ABI1: variants seen among roughly 807,000 people sequenced by gnomAD.
The protein encoded by ABI1 is Abelson interactor 1.
In ABI1, 14 loss-of-function variants were observed where a neutral mutation model predicts 54.6. That is an observed-to-expected ratio of 0.26 (90% CI 0.17 to 0.40). The LOEUF (loss-of-function observed/expected upper bound fraction) is 0.40. Ranked by LOEUF, ABI1 falls within the 10% of genes least tolerant of loss-of-function variation. The probability of loss-of-function intolerance (pLI) is 1.00; values close to 1 mark genes in which losing one functional copy is unlikely to be tolerated. For missense variants in ABI1, 443 were observed against 598.3 expected (o/e 0.74, Z 2.71); for synonymous variants, 194 against 209.3 (o/e 0.93, Z 0.63).
At chr10:26,813,969 A>G (rs2047399536) in intron 2 of ABI1, among the ~76,000 whole-genome samples, 1 of 152,210 alleles carries the variant, frequency 6.6e-6, no homozygotes, top group Non-Finnish European at 1.5e-5. Context: ...AAAGGTTCCT[A>G]ACAAAACATC....
At chr10:26,824,768 C>G (rs1316748954) in intron 1 of ABI1, among the ~76,000 whole-genome samples, 1 of 151,814 alleles carries the variant, frequency 6.6e-6, no homozygotes, top group East Asian at 1.9e-4. Context: ...AAAACATGGA[C>G]AGTAGATAGA....
At chr10:26,766,753 G>C (rs1482686923) in intron 6 of ABI1, among the ~76,000 whole-genome samples, 1 of 151,748 alleles carries the variant, frequency 6.6e-6, no homozygotes, top group Non-Finnish European at 1.5e-5. Flanking sequence ...GGCTAAAACT[G>C]GTCCATTGCC....
chr10:26,780,900 C>G (rs1029519768), intron 2 of ABI1, among the ~76,000 whole-genome samples: 2 of 152,120 alleles, frequency 1.3e-5, no homozygotes, highest in Non-Finnish European at 2.9e-5. Context: ...TTGGGTGGGG[C>G]TCTTTGGACC....
chr10:26,783,129 A>G (rs1842334580), intron 2 of ABI1, among the ~76,000 whole-genome samples: 1 of 152,244 alleles, frequency 6.6e-6, no homozygotes, highest in East Asian at 1.9e-4. Context: ...AGACTTAACA[A>G]TGAAGGAACT....
rs767702914 is a variant in ABI1 at position 26,768,927 on chromosome 10, G to C, written c.644C>G (p.Thr215Ser). 1.2e-6 allele frequency: 2 copies of C among 1,613,376 alleles called. No homozygotes were observed. Among genetic ancestry groups the C allele is most frequent in the Admixed American group, 1.7e-5 (1 of 60,004 alleles). Residue 215 changes from threonine to serine, a missense_variant, in exon 6 of 11, where the codon ACC (threonine) becomes AGC (serine). By Grantham distance (58) the Thr-to-Ser change is moderately conservative. Around this residue, in one of 2 missense-constraint regions of ABI1, gnomAD observed 394 missense variants for 484.8 expected, o/e 0.81. Transcript: ENST00000376140. ...CTGACTTCCAAGCCTAGCAGGACTGGTCATATAGTCATTAGGAACTGTTGG... is the reference window on the plus strand; with the variant it reads ...CTGACTTCCAAGCCTAGCAGGACTGCTCATATAGTCATTAGGAACTGTTGG... ...KPPTVPNDYM[T>S]SPARLGSQHS...
At chr10:26,775,295 G>T (rs903704873) in intron 3 of ABI1, among the ~76,000 whole-genome samples, 2 of 152,090 alleles carry the variant, frequency 1.3e-5, no homozygotes, top group African/African-American at 4.8e-5. Context: ...ACAAACTATA[G>T]ACAAATATGC....
intron 2 of ABI1, among the ~76,000 whole-genome samples, chr10:26,781,051 G>C (rs1224410417): frequency 6.6e-6 from 1 of 152,222 alleles, no homozygotes; most frequent in East Asian, 1.9e-4. Context: ...GCATTAGTAG[G>C]TTTGGGGCCC....
chr10:26,757,022 G>GT (rs1214750239), intron 8 of ABI1, among the ~76,000 whole-genome samples: 1 of 152,010 alleles, frequency 6.6e-6, no homozygotes, highest in Non-Finnish European at 1.5e-5. Flanking sequence ...AAGGTTAGAG[G>GT]TTTTGACTTA....
At chr10:26,754,549 G>T (rs1201668262) in intron 9 of ABI1, among the ~76,000 whole-genome samples, 1 of 152,162 alleles carries the variant, frequency 6.6e-6, no homozygotes, top group Non-Finnish European at 1.5e-5. Context: ...CCGGAGTCTG[G>T]CACGTAACAT....
rs2047012221 is a variant in ABI1, at chr10:26,808,470, C to T, written c.285+14668G>A. Among the ~76,000 whole-genome samples the T allele has an allele frequency of 2.0e-5, 3 of 152,068 alleles. No individual in the cohort carries two copies. The South Asian group carries it at 6.2e-4, about 32-fold the overall frequency. ...TGTGTTAAAAGAACATAACTGGGTC[C>T]CAGCACTTTGGGAGGCGGAGGCAGG... On this transcript the variant is annotated intron_variant, in intron 2 of 10. Transcript: ENST00000376140.
intron 7 of ABI1, among the ~76,000 whole-genome samples, chr10:26,759,537 G>A (rs2132535533): frequency 6.6e-6 from 1 of 152,110 alleles, no homozygotes; most frequent in South Asian, 2.1e-4. Context: ...TAAATTTTTT[G>A]TGCATTTTCA....
chr10:26,776,792 G>C (rs1841458187), intron 3 of ABI1: 1 of 291,880 alleles, frequency 3.4e-6, no homozygotes. Flanking sequence ...AGTAGTGAAA[G>C]AAAGACATAG....
chr10:26,856,148 C>CA (rs2050788151), intron 1 of ABI1, among the ~76,000 whole-genome samples: 1 of 150,886 alleles, frequency 6.6e-6, no homozygotes, highest in African/African-American at 2.4e-5. Flanking sequence ...TAGCTGGGTG[C>CA]AGTGGCATGC....
At chr10:26,848,076 G>A (rs1490068873) in intron 1 of ABI1, among the ~76,000 whole-genome samples, 1 of 151,840 alleles carries the variant, frequency 6.6e-6, no homozygotes, top group African/African-American at 2.4e-5. Flanking sequence ...TGGCACACCT[G>A]TAATTCCAGC....
chr10:26,827,596 G>T (rs201951580), intron 1 of ABI1, among the ~76,000 whole-genome samples: 172 of 138,072 alleles, frequency 1.2e-3, no homozygotes, highest in South Asian at 1.8e-3. Context: ...TCTGTTTTTT[G>T]TTTTTTTTTT....
At chr10:26,778,421 G>GAGAGTGAAACCAATT (rs1470481489) in intron 2 of ABI1, among the ~76,000 whole-genome samples, 1 of 150,740 alleles carries the variant, frequency 6.6e-6, no homozygotes, top group African/African-American at 2.4e-5. Flanking sequence ...CAAGACTGCA[G>GAGAGTGAAACCAATT]AGAGTGAAAC....
At chr10:26,791,099 A>C (rs1166336214) in intron 2 of ABI1, among the ~76,000 whole-genome samples, 1 of 151,074 alleles carries the variant, frequency 6.6e-6, no homozygotes, top group Non-Finnish European at 1.5e-5. Flanking sequence ...AAACAGAGCG[A>C]ATATAATACA....
In ABI1 at chr10:26,750,182, A is replaced by G. The variant is rs72629718; in HGVS notation, c.1270+1416T>C. On this transcript the variant is annotated intron_variant, in intron 10 of 10. Transcript: ENST00000376140. The stretch of plus-strand genomic sequence containing the variant: ...AAGTAGAATATTCAAGACTTTCTTA[A>G]CAATATGTAAATTACTTACTGTTTA... 0.018 allele frequency among the ~76,000 whole-genome samples: 2,716 copies of G among 152,336 alleles called. 190 individuals carry two copies. The South Asian group carries it at 0.19, about 11-fold the overall frequency.
At chr10:26,851,077 A>T (rs1317253138) in intron 1 of ABI1, among the ~76,000 whole-genome samples, 1 of 139,292 alleles carries the variant, frequency 7.2e-6, no homozygotes, top group African/African-American at 2.9e-5. Flanking sequence ...GAAAAAAAGC[A>T]CATGAGAACT....
Sources: gnomAD v4.1 joint callset for allele counts (sites outside exome capture counted in the v4.1 genomes callset) on GRCh38, gnomAD v4.1.1 for gene constraint, gnomAD v4.1.1 regional missense constraint, MANE v1.5 for transcripts, NCBI Gene and HGNC (gene_info 2026-07-23, HGNC 2026-07-21) for gene names.